Variants in MIGA2 observed in about 807,000 individuals in gnomAD.
The protein encoded by MIGA2 is mitoguardin 2.
Under a neutral mutation model 69.9 loss-of-function variants are expected in MIGA2, and 36 were observed. The ratio of observed to expected loss-of-function variants is 0.52; its 90% confidence interval spans 0.39 to 0.68. MIGA2 has a LOEUF of 0.68. Among genes scored for constraint, MIGA2 ranks in the 30% least tolerant of loss-of-function variants. The pLI, the probability that MIGA2 is intolerant of heterozygous loss-of-function variation, is 0.00. For synonymous variants in MIGA2, 333 were observed against 349.2 expected, an observed-to-expected ratio of 0.95 and a Z score of 0.52; for missense variants, 660 against 787.7, an observed-to-expected ratio of 0.84 and a Z score of 1.94.
Position 129,070,318 on chromosome 9 carries a change from G to T in MIGA2, c.1647G>T (p.Leu549=). 6.2e-7 allele frequency: 1 copy of T among 1,613,182 alleles called. No homozygotes were observed. The highest frequency in any genetic ancestry group is 8.5e-7 in the Non-Finnish European group (1 of 1,180,006). ...TGCGCTACACGTCACTGCCCGCGCT[G>T]GCAGACGACATCCTGCAGCTGTCCC... is the stretch of plus-strand genomic sequence containing the variant. ...DNVRYTSLPA[L]ADDILQLSRR... The change falls in exon 16 of 16, where the codon CTG becomes CTT. Residue 549 remains leucine (L), a synonymous_variant. Transcript: ENST00000684074.
chr9:129,037,461 C>A (rs1302297427), intron 1 of MIGA2, among the ~76,000 whole-genome samples: 1 of 152,126 alleles, frequency 6.6e-6, no homozygotes, highest in Non-Finnish European at 1.5e-5. Flanking sequence ...TGGTAGGGGA[C>A]CTTGCCGTGG....
Position 129,053,450 on chromosome 9 carries a change from G to T in MIGA2, c.675+3487G>T, listed in dbSNP as rs1387990113. Among the ~76,000 whole-genome samples the T allele has an allele frequency of 2.0e-5, 3 of 150,022 alleles. No individual in the cohort carries two copies. In the South Asian group the frequency reaches 6.3e-4, roughly 32 times the overall value. ...GCAATCTTGGCTCACTGCAACTTCT[G>T]TCTCCCAGGTTCAAGCGATTCTCCT... is the stretch of plus-strand genomic sequence containing the variant. On this transcript the variant is annotated intron_variant, in intron 6 of 15. Transcript: ENST00000684074.
At chr9:129,048,246 A>G (rs926083372) in intron 3 of MIGA2, among the ~76,000 whole-genome samples, 181 bp from the exon 4 acceptor site, 45 of 152,190 alleles carry the variant, frequency 3.0e-4, no homozygotes, top group African/African-American at 1.1e-3. Context: ...TGAGCAGGAC[A>G]TGGAGGGCCC....
intron 3 of MIGA2, among the ~76,000 whole-genome samples, chr9:129,046,727 C>T (rs1452793562): frequency 2.0e-5 from 3 of 151,774 alleles, no homozygotes; most frequent in South Asian, 2.1e-4. Flanking sequence ...ATTACAGGTG[C>T]GTGCCACCAC....
At position 129,059,821 on chromosome 9, in the gene MIGA2, A is replaced by C. The variant is rs1463123556; in HGVS notation, c.793+550A>C. 6.6e-6 allele frequency among the ~76,000 whole-genome samples: 1 copy of C among 151,978 alleles called. No homozygotes were observed. The highest frequency in any genetic ancestry group is 1.5e-5 in the Non-Finnish European group (1 of 67,978). ...CTCCCTGTGCACTCAACCCTGTGGG[A>C]CCCTCAGACTCCTGAGGGTCCAGCT... On this transcript the variant is annotated intron_variant, in intron 7 of 15. Transcript: ENST00000684074. This position sits in a 1 kb window ranked among gnomAD's most constrained non-coding sequence, Gnocchi z 5.6.
chr9:129,064,518 T>C (rs1846239068), intron 11 of MIGA2, among the ~76,000 whole-genome samples: 1 of 148,776 alleles, frequency 6.7e-6, no homozygotes, highest in African/African-American at 2.4e-5. Context: ...TTTTTTTTTT[T>C]TTTCTTTAAT....
chr9:129,043,337 A>C (rs1845023341), intron 3 of MIGA2, among the ~76,000 whole-genome samples: 1 of 149,790 alleles, frequency 6.7e-6, no homozygotes, highest in Non-Finnish European at 1.5e-5. Context: ...TAGTGAGTTC[A>C]CTCAGTCGAT....
In MIGA2 at chr9:129,070,898, C is replaced by T. The variant is rs1304464901; in HGVS notation, c.*445C>T. 5 of 161,958 alleles carry T rather than the reference C, an allele frequency of 3.1e-5. No individual in the cohort carries two copies. The highest frequency in any genetic ancestry group is 5.4e-5 in the Non-Finnish European group (4 of 74,500). 10.0% of individuals were successfully genotyped at this position (161,958 alleles called of 1,614,324 possible). A position where few individuals can be genotyped will look rare whatever the true frequency, so the allele number is the denominator to read the frequency against. ...CCAGCTGGCCTGTCCTGATGCCCTC[C>T]CCACCTCAACCGCCTTCTCAGAGAG... On this transcript the variant is annotated 3_prime_UTR_variant, in exon 16 of 16. Coordinates refer to ENST00000684074, the MANE Select transcript of MIGA2 (RefSeq NM_001329990.2).
intron 3 of MIGA2, 68 bp from the exon 4 acceptor site, chr9:129,048,359 A>G: frequency 1.6e-6 from 2 of 1,255,784 alleles, no homozygotes; most frequent in Non-Finnish European, 2.3e-6. Flanking sequence ...GGTGGTCCAG[A>G]GTGGGGGCAG....
At chr9:129,055,425 A>G (rs1043313992) in intron 6 of MIGA2, among the ~76,000 whole-genome samples, 3 of 152,212 alleles carry the variant, frequency 2.0e-5, no homozygotes, top group Middle Eastern at 3.4e-3. Flanking sequence ...TAGTATCTAC[A>G]TATATTTTAT....
rs774174456 is a variant in MIGA2 at position 129,040,671 on chromosome 9, T to G, written c.77T>G (p.Leu26Arg). The G allele has an allele frequency of 1.2e-6, 2 of 1,613,830 alleles. No homozygotes were observed. Among genetic ancestry groups the G allele is most frequent in the Admixed American group, 3.3e-5 (2 of 60,014 alleles). ...ACGGTGGCCGAGATCCCCGTGTTCC[T>G]GTACACGACGTTTGGGCAGGTAAGG... ...AMTVAEIPVFLYTTFGQSAFS... is the reference protein window; with the variant it reads ...AMTVAEIPVFRYTTFGQSAFS... Residue 26 changes from leucine to arginine, a missense_variant, in exon 2 of 16, where the codon CTG becomes CGG. Around this residue, in one of 3 missense-constraint regions of MIGA2, gnomAD observed 54 missense variants for 84.0 expected, o/e 0.64. Transcript: ENST00000684074.
At chr9:129,058,444 A>ATGTG (rs1318747044) in intron 6 of MIGA2, among the ~76,000 whole-genome samples, 2 of 147,794 alleles carry the variant, frequency 1.4e-5, no homozygotes, top group Non-Finnish European at 3.0e-5. Context: ...ATTTTCAACT[A>ATGTG]TGTGGGCACA....
chr9:129,040,513 G>A lies in MIGA2; in HGVS notation c.-82G>A. 1 of 1,514,326 alleles carries A rather than the reference G, an allele frequency of 6.6e-7. No individual in the cohort carries two copies. The highest frequency in any genetic ancestry group is 8.9e-7 in the Non-Finnish European group (1 of 1,122,496). The allele number at this position is 1,514,326 out of a possible 1,614,324, so 93.8% of individuals were successfully genotyped here. The stretch of plus-strand genomic sequence containing the variant: ...CCTTCTGGGGCGTGGATGGTGCCTG[G>A]GACCCAGCTGGCAACCAGTTGAAGA... On this transcript the variant is annotated 5_prime_UTR_variant, in exon 2 of 16. Transcript: ENST00000684074.
chr9:129,069,116 G>A lies in MIGA2; in HGVS notation c.1445G>A (p.Arg482Lys). 6.2e-7 allele frequency: 1 copy of A among 1,614,022 alleles called. No homozygotes were observed. The highest frequency in any genetic ancestry group is 8.5e-7 in the Non-Finnish European group (1 of 1,179,964). Residue 482 changes from arginine to lysine, a missense_variant, in exon 14 of 16, where the codon AGG becomes AAG. Arg to Lys is a conservative substitution (Grantham distance 26). Coordinates refer to ENST00000684074, the MANE Select transcript of MIGA2 (RefSeq NM_001329990.2). The surrounding 1 kb of genome is among the most constrained non-coding windows in gnomAD (Gnocchi z 4.9). ...TGCTGGTCGGTCCTGAAAGCCAAGAGGAGGCTGCTGATGGTGAGTGACTGG... is the reference window on the plus strand; with the variant it reads ...TGCTGGTCGGTCCTGAAAGCCAAGAAGAGGCTGCTGATGGTGAGTGACTGG... ...TACWSVLKAK[R>K]RLLMVPDGFI...
In MIGA2 at chr9:129,059,278, T is replaced by C; in HGVS notation, c.793+7T>C. ...AGCATGCTGCTAGACCTCGGTGAGCTGGGCCCAGTGCAGGTGGGGTGGGCG... is the reference window on the plus strand; with the variant it reads ...AGCATGCTGCTAGACCTCGGTGAGCCGGGCCCAGTGCAGGTGGGGTGGGCG... On this transcript the variant is annotated splice_region_variant and intron_variant, in intron 7 of 15. Transcript: ENST00000684074. This position sits in a 1 kb window ranked among gnomAD's most constrained non-coding sequence, Gnocchi z 5.6. 1.3e-6 allele frequency: 2 copies of C among 1,563,672 alleles called. No homozygotes were observed. The highest frequency in any genetic ancestry group is 1.7e-6 in the Non-Finnish European group (2 of 1,152,118).
chr9:129,065,114 T>C (rs905016079), intron 11 of MIGA2, among the ~76,000 whole-genome samples: 1 of 150,452 alleles, frequency 6.6e-6, no homozygotes, highest in Non-Finnish European at 1.5e-5. Flanking sequence ...AACTTTATTA[T>C]GAAATACACA....
In MIGA2 at chr9:129,060,239, G is replaced by A. The variant is rs574579905; in HGVS notation, c.794-311G>A. Among the ~76,000 whole-genome samples, 257 of 152,164 alleles carry A rather than the reference G, an allele frequency of 1.7e-3. 1 individual carries two copies. The highest frequency in any genetic ancestry group is 2.3e-3 in the Non-Finnish European group (159 of 68,022). ...AAGGTCCTCCCCCTGCAGAGCTTGGGCCTTCAGGCCTCAGGTCCAGCGGTG... is the reference window on the plus strand; with the variant it reads ...AAGGTCCTCCCCCTGCAGAGCTTGGACCTTCAGGCCTCAGGTCCAGCGGTG... On this transcript the variant is annotated intron_variant, in intron 7 of 15. Transcript: ENST00000684074. The surrounding 1 kb of genome is among the most constrained non-coding windows in gnomAD (Gnocchi z 4.8).
intron 3 of MIGA2, among the ~76,000 whole-genome samples, chr9:129,047,823 A>T (rs1247861805): frequency 1.3e-5 from 2 of 152,000 alleles, no homozygotes; most frequent in Non-Finnish European, 2.9e-5. Context: ...TTGACCTCCC[A>T]GGCTCAATTG....
At position 129,069,232 on chromosome 9, in the gene MIGA2, C is replaced by T; in HGVS notation, c.1458+103C>T. 7.1e-7 allele frequency: 1 copy of T among 1,410,952 alleles called. No individual in the cohort carries two copies. Among genetic ancestry groups the T allele is most frequent in the Non-Finnish European group, 1.0e-6 (1 of 1,004,506 alleles). The allele number at this position is 1,410,952 out of a possible 1,614,324, so 87.4% of individuals were successfully genotyped here. A position where few individuals can be genotyped will look rare whatever the true frequency, so the allele number is the denominator to read the frequency against. ...GGCTCGCTGGGCCACTTGGCCTTCA[C>T]CGCTCACAGTCCTGGCCCCCTTGTT... is the stretch of plus-strand genomic sequence containing the variant. On this transcript the variant is annotated intron_variant, in intron 14 of 15. Coordinates refer to ENST00000684074, the MANE Select transcript of MIGA2 (RefSeq NM_001329990.2). This position sits in a 1 kb window ranked among gnomAD's most constrained non-coding sequence, Gnocchi z 4.9.
Sources: gnomAD v4.1 joint callset for allele counts (sites outside exome capture counted in the v4.1 genomes callset) on GRCh38, gnomAD v4.1.1 for gene constraint, gnomAD v4.1.1 regional missense constraint, Gnocchi (gnomAD v3.1) non-coding constraint, MANE v1.5 for transcripts, NCBI Gene and HGNC (gene_info 2026-07-23, HGNC 2026-07-21) for gene names.